CCNC: variants seen among roughly 807,000 people sequenced by gnomAD.
CCNC encodes the protein cyclin-C.
Under a neutral mutation model 50.0 loss-of-function variants are expected in CCNC, and 19 were observed. That is an observed-to-expected ratio of 0.38 (90% CI 0.27 to 0.56). The LOEUF (loss-of-function observed/expected upper bound fraction) is 0.56. Ranked by LOEUF, CCNC falls within the 20% of genes least tolerant of loss-of-function variation. The pLI is 0.72. For synonymous variants in CCNC, 93 were observed against 103.7 expected, an observed-to-expected ratio of 0.90 and a Z score of 0.63; for missense variants, 200 against 327.1, an observed-to-expected ratio of 0.61 and a Z score of 3.00.
At chr6:99,568,202 C>G (rs1305577430) in intron 1 of CCNC, 1 of 477,480 alleles carries the variant, frequency 2.1e-6, no homozygotes, top group Non-Finnish European at 3.8e-6. Flanking sequence ...TCCGACCCCC[C>G]GCGGCCTAGC....
intron 4 of CCNC, among the ~76,000 whole-genome samples, chr6:99,559,837 G>C (rs889551700): frequency 1.3e-5 from 2 of 150,706 alleles, no homozygotes; most frequent in Non-Finnish European, 2.9e-5. Context: ...CTCATGCTTC[G>C]GCCTCCCTAG....
At chr6:99,561,564 G>A in intron 3 of CCNC, 33 bp downstream of exon 3, 1 of 1,464,750 alleles carries the variant, frequency 6.8e-7, no homozygotes, top group Non-Finnish European at 9.5e-7. Context: ...CATTAGATAA[G>A]AGTTCAAATA....
At chr6:99,550,827 CAG>C (rs1208116671) in intron 7 of CCNC, 164 bp downstream of exon 7, 2 of 331,756 alleles carry the variant, frequency 6.0e-6, no homozygotes, top group Non-Finnish European at 1.1e-5. Flanking sequence ...TTACAGGCTT[CAG>C]AGAGACTCTA....
In CCNC at chr6:99,545,121, G is replaced by A. The variant is rs1316505751; in HGVS notation, c.788C>T (p.Pro263Leu). 1 of 1,550,580 alleles carries A rather than the reference G, an allele frequency of 6.4e-7. No homozygotes were observed. Among genetic ancestry groups the A allele is most frequent in the Non-Finnish European group, 8.9e-7 (1 of 1,122,572 alleles). ...ILSKMPKPKP[P>L]PNSEGEQGPN... ...AAAGTCTACAAAGTACCTGTTTGGAGGTGGTTTTGGTTTTGGCATCTTACT... is the reference window on the plus strand; with the variant it reads ...AAAGTCTACAAAGTACCTGTTTGGAAGTGGTTTTGGTTTTGGCATCTTACT... The change falls in exon 11 of 12, where the codon CCT (proline) becomes CTT (leucine). Residue 263 changes from proline (P) to leucine (L), a missense_variant. Coordinates refer to ENST00000520429, the MANE Select transcript of CCNC (RefSeq NM_005190.4).
intron 1 of CCNC, among the ~76,000 whole-genome samples, chr6:99,567,637 T>G (rs1409252900): frequency 1.3e-5 from 2 of 152,244 alleles, no homozygotes; most frequent in Non-Finnish European, 2.9e-5. Flanking sequence ...TAATGCTTTC[T>G]TAGCATAAAA....
At chr6:99,559,731 T>C (rs1802695872) in intron 4 of CCNC, among the ~76,000 whole-genome samples, 1 of 151,288 alleles carries the variant, frequency 6.6e-6, no homozygotes, top group African/African-American at 2.4e-5. Flanking sequence ...TTTTTTTTTT[T>C]TTTTTTGAGA....
chr6:99,557,167 C>A (rs1381192547), intron 5 of CCNC: 1 of 152,218 alleles, frequency 6.6e-6, no homozygotes, highest in Non-Finnish European at 1.5e-5. Flanking sequence ...TTTCTGGATT[C>A]ATGAAACAAT....
rs1257681612 is a variant in CCNC, at chr6:99,543,376, A to C, written c.*179T>G. 3 of 591,470 alleles carry C rather than the reference A, an allele frequency of 5.1e-6. No homozygotes were observed. Among genetic ancestry groups the C allele is most frequent in the Non-Finnish European group, 8.7e-6 (3 of 344,882 alleles). The allele number at this position is 591,470 out of a possible 1,614,324, so 36.6% of individuals were successfully genotyped here. ...AAACATTTATAATCAAGAGATTTTAATCAATTATGTACTAGAATCATATTA... is the reference window on the plus strand; with the variant it reads ...AAACATTTATAATCAAGAGATTTTACTCAATTATGTACTAGAATCATATTA... On this transcript the variant is annotated 3_prime_UTR_variant, in exon 12 of 12. Coordinates refer to ENST00000520429, the MANE Select transcript of CCNC (RefSeq NM_005190.4).
In CCNC at chr6:99,561,558, A is replaced by G. The variant is rs190608623; in HGVS notation, c.224+39T>C. The G allele has an allele frequency of 2.8e-6, 4 of 1,447,044 alleles. No homozygotes were observed. The East Asian group carries it at 9.1e-5, about 33-fold the overall frequency. 89.6% of individuals were successfully genotyped at this position (1,447,044 alleles called of 1,614,324 possible). ...CACTGTGCTAAGGTTCATCAACATTAGATAAGAGTTCAAATAAATAAAATA... is the reference window on the plus strand; with the variant it reads ...CACTGTGCTAAGGTTCATCAACATTGGATAAGAGTTCAAATAAATAAAATA... On this transcript the variant is annotated intron_variant, in intron 3 of 11. Transcript: ENST00000520429.
intron 4 of CCNC, among the ~76,000 whole-genome samples, chr6:99,560,355 T>C (rs1030250542): frequency 6.6e-6 from 1 of 152,198 alleles, no homozygotes; most frequent in African/African-American, 2.4e-5. Context: ...CATAAACTTC[T>C]AGAAAGCTTG....
At chr6:99,561,501 G>A (rs1432517569) in intron 3 of CCNC, 65 bp from the exon 4 acceptor site, 3 of 1,376,960 alleles carry the variant, frequency 2.2e-6, no homozygotes, top group Non-Finnish European at 3.0e-6. Flanking sequence ...AAAAAATCAA[G>A]ATAACTCTAT....
intron 2 of CCNC, chr6:99,562,402 A>G (rs1363797474): frequency 6.5e-6 from 1 of 153,168 alleles, no homozygotes; most frequent in East Asian, 1.9e-4. Context: ...AGTTTACAAA[A>G]TAGTGAACCG....
intron 2 of CCNC, chr6:99,562,182 GC>G (rs887028098): frequency 6.6e-6 from 1 of 152,066 alleles, no homozygotes; most frequent in African/African-American, 2.4e-5. Flanking sequence ...GCCTCACCAC[GC>G]CCAGCTAATT....
At chr6:99,546,753 A>T (rs1344070634) in intron 9 of CCNC, among the ~76,000 whole-genome samples, 1 of 152,198 alleles carries the variant, frequency 6.6e-6, no homozygotes, top group African/African-American at 2.4e-5. Flanking sequence ...AAAACATCCA[A>T]TGAGGAGAGC....
At chr6:99,564,838 C>T (rs768171667) in intron 1 of CCNC, among the ~76,000 whole-genome samples, 7 of 151,990 alleles carry the variant, frequency 4.6e-5, no homozygotes, top group South Asian at 2.1e-4. Flanking sequence ...TGATTCAAAA[C>T]GATAAAAAAC....
rs769823983 is a variant in CCNC at position 99,561,603 on chromosome 6, T to C, written c.218A>G (p.Tyr73Cys). The change falls in exon 3 of 12, where the codon TAT (tyrosine) becomes TGT (cysteine). Residue 73 changes from tyrosine to cysteine, a missense_variant. Coordinates refer to ENST00000520429, the MANE Select transcript of CCNC (RefSeq NM_005190.4). ...AAAATAAAAACAATCCTACCTGGCA[T>C]AGAATCTCTTGAAATATACCGTAGC... The part of the protein sequence containing the change: ...ATATVYFKRF[Y>C]ARYSLKSIDP... 13 of 1,600,512 alleles carry C rather than the reference T, an allele frequency of 8.1e-6. No homozygotes were observed. Among genetic ancestry groups the C allele is most frequent in the Admixed American group, 1.7e-5 (1 of 59,584 alleles).
chr6:99,561,976 A>C (rs1583588119), intron 2 of CCNC: 2 of 180,632 alleles, frequency 1.1e-5, no homozygotes, highest in East Asian at 2.8e-4. Flanking sequence ...TCTATCTTCT[A>C]AATATTTTTA....
intron 1 of CCNC, chr6:99,566,828 G>A: frequency 3.0e-6 from 1 of 330,856 alleles, no homozygotes; most frequent in Admixed American, 3.8e-5. Context: ...GTTAAAGTGT[G>A]AAAACGTGCA....
At chr6:99,565,500 T>A (rs330869) in intron 1 of CCNC, among the ~76,000 whole-genome samples, 59,116 of 151,818 alleles carry the variant, frequency 0.39, 11,648 homozygotes, top group East Asian at 0.53. Flanking sequence ...ATTAACTGAG[T>A]TTTCTCATTA....
Sources: gnomAD v4.1 joint callset for allele counts (sites outside exome capture counted in the v4.1 genomes callset) on GRCh38, gnomAD v4.1.1 for gene constraint, MANE v1.5 for transcripts, NCBI Gene and HGNC (gene_info 2026-07-23, HGNC 2026-07-21) for gene names.